HERC2: variants seen among roughly 807,000 people sequenced by gnomAD.
HERC2 encodes HECT and RLD domain containing E3 ubiquitin protein ligase 2.
Under a neutral mutation model 537.7 loss-of-function variants are expected in HERC2, and 102 were observed. The observed-to-expected ratio is 0.19, with a 90% CI of 0.16 to 0.22. The LOEUF (loss-of-function observed/expected upper bound fraction) is 0.22. HERC2 is among the 10% of genes least tolerant of loss of function. HERC2 has a pLI of 1.00. For synonymous variants in HERC2, 2,224 were observed against 2,466.2 expected (o/e 0.90, Z 2.91); for missense variants, 4,236 against 6,198.2 (o/e 0.68, Z 10.63).
At chr15:28,149,375 A>AACCGAGAACGTC (rs1368072920) in intron 70 of HERC2, among the ~76,000 whole-genome samples, 27 of 151,472 alleles carry the variant, frequency 1.8e-4, no homozygotes, top group African/African-American at 6.6e-4. Context: ...CGCGGCTCCT[A>AACCGAGAACGTC]ACCGAGAACG....
intron 71 of HERC2, 103 bp from the exon 72 acceptor site, chr15:28,144,907 G>T: frequency 6.8e-7 from 1 of 1,477,604 alleles, no homozygotes; most frequent in Non-Finnish European, 9.2e-7. Context: ...CGTGTGAAGA[G>T]CAAGTTCCTC....
chr15:28,316,042 T>C (rs2077073198), intron 2 of HERC2: 1 of 303,070 alleles, frequency 3.3e-6, no homozygotes, highest in African/African-American at 2.4e-5. Flanking sequence ...ATATAATAAA[T>C]CACCTCTTCC....
intron 36 of HERC2, 90 bp from the exon 37 acceptor site, chr15:28,220,734 G>C (rs541738451): frequency 1.9e-6 from 2 of 1,050,762 alleles, no homozygotes; most frequent in East Asian, 4.7e-5. Flanking sequence ...TTAGGAGGGT[G>C]CATGCCCTGC....
At chr15:28,230,314 C>T (rs1901695023) in intron 31 of HERC2, 53 bp downstream of exon 31, 1 of 1,568,210 alleles carries the variant, frequency 6.4e-7, no homozygotes, top group Non-Finnish European at 8.6e-7. Context: ...GATTCCTGTG[C>T]TACATGCTAT....
At chr15:28,297,338 G>C (rs1486026160) in intron 3 of HERC2, among the ~76,000 whole-genome samples, 1 of 151,578 alleles carries the variant, frequency 6.6e-6, no homozygotes, top group Non-Finnish European at 1.5e-5. Context: ...AGCCAAAAAG[G>C]GAAACTTTTA....
intron 88 of HERC2, among the ~76,000 whole-genome samples, chr15:28,116,096 T>G (rs539391126): frequency 6.6e-6 from 1 of 152,198 alleles, no homozygotes; most frequent in Non-Finnish European, 1.5e-5. Flanking sequence ...CCTGCAGCTG[T>G]GCACAGAGCT....
intron 4 of HERC2, among the ~76,000 whole-genome samples, chr15:28,289,406 C>T (rs369119305): frequency 7.8e-5 from 6 of 77,038 alleles, no homozygotes; most frequent in Admixed American, 9.5e-5. Context: ...CACCTTATAA[C>T]ATTCTCAAAT....
At position 28,111,730 on chromosome 15, in the gene HERC2, C is replaced by T; in HGVS notation, c.*33G>A. ...GCAGCGAGCGCTCTGCTGCCTGGCT[C>T]AGGCTCTCATCTCACGAGGACGTTT... On this transcript the variant is annotated 3_prime_UTR_variant, in exon 93 of 93. Transcript: ENST00000261609. The T allele has an allele frequency of 6.2e-7, 1 of 1,607,278 alleles. No individual in the cohort carries two copies. The highest frequency in any genetic ancestry group is 8.5e-7 in the Non-Finnish European group (1 of 1,174,856).
chr15:28,246,781 A>G lies in HERC2; in HGVS notation c.3352T>C (p.Phe1118Leu), dbSNP rs1307246112. 1.9e-6 allele frequency: 3 copies of G among 1,606,316 alleles called. No homozygotes were observed. The highest frequency in any genetic ancestry group is 2.5e-6 in the Non-Finnish European group (3 of 1,176,682). The change falls in exon 22 of 93, where the codon TTC becomes CTC. Residue 1118 changes from phenylalanine (F) to leucine (L), a missense_variant. By Grantham distance (22) the Phe-to-Leu change is conservative. Coordinates refer to ENST00000261609, the MANE Select transcript of HERC2 (RefSeq NM_004667.6). ...ASIASTSWRH[F>L]AEVAYIVEGD... ...TCCACAATGTAAGCCACCTCCGCGA[A>G]GTGCCGCCAGCTGGTAGAAGCAATG...
At chr15:28,283,498 A>G (rs2076078540) in intron 4 of HERC2, among the ~76,000 whole-genome samples, 1 of 152,206 alleles carries the variant, frequency 6.6e-6, no homozygotes, top group Non-Finnish European at 1.5e-5. Context: ...ACATTCTCAG[A>G]GGAAGTGAAA....
At position 28,176,448 on chromosome 15, in the gene HERC2, C is replaced by T; in HGVS notation, c.9666G>A (p.Lys3222=). ...CGTACCATGTCCACACCACTCCAGA[C>T]TTGGTGAGCGCCAGGGAGAACTGAG... ...CGAQFSLALT[K]SGVVWTWGKG... is the part of the protein sequence containing the mutation. The change falls in exon 63 of 93, where the codon AAG becomes AAA. Residue 3222 remains lysine, a synonymous_variant. Coordinates refer to ENST00000261609, the MANE Select transcript of HERC2 (RefSeq NM_004667.6). The surrounding 1 kb of genome is among the most constrained non-coding windows in gnomAD (Gnocchi z 5.0). 3 of 1,614,080 alleles carry T rather than the reference C, an allele frequency of 1.9e-6. No homozygotes were observed. The highest frequency in any genetic ancestry group is 1.3e-5 in the African/African-American group (1 of 75,040).
intron 78 of HERC2, among the ~76,000 whole-genome samples, chr15:28,136,390 T>G (rs61266109): frequency 6.6e-6 from 1 of 151,994 alleles, no homozygotes; most frequent in Admixed American, 6.6e-5. Flanking sequence ...GGTGGATAAA[T>G]GAGCCCCACC....
chr15:28,308,597 G>C (rs1438812735), intron 2 of HERC2, among the ~76,000 whole-genome samples: 1 of 152,212 alleles, frequency 6.6e-6, no homozygotes, highest in Non-Finnish European at 1.5e-5. Flanking sequence ...TTGAATAACA[G>C]TGGCCACACT....
chr15:28,111,960 T>C lies in HERC2; in HGVS notation c.14308A>G (p.Arg4770Gly). 4 of 1,614,100 alleles carry C rather than the reference T, an allele frequency of 2.5e-6. No homozygotes were observed. Among genetic ancestry groups the C allele is most frequent in the Non-Finnish European group, 3.4e-6 (4 of 1,180,018 alleles). Residue 4770 changes from arginine to glycine, a missense_variant, in exon 93 of 93, where the codon AGG becomes GGG. Arg to Gly is a moderately radical substitution (Grantham distance 125). Coordinates refer to ENST00000261609, the MANE Select transcript of HERC2 (RefSeq NM_004667.6). ...YTCFFLLKLP[R>G]YSCKQVLEEK... Reference sequence around the variant, plus strand: ...TCCAGCACCTGCTTGCAGGAATACCTGGGCAGCTTCAGCAAGAAGAAACAG... The same window carrying C: ...TCCAGCACCTGCTTGCAGGAATACCCGGGCAGCTTCAGCAAGAAGAAACAG...
chr15:28,273,510 C>T (rs1192586441), intron 7 of HERC2, among the ~76,000 whole-genome samples: 1 of 152,226 alleles, frequency 6.6e-6, no homozygotes, highest in African/African-American at 2.4e-5. Flanking sequence ...TATCCTAAGA[C>T]TGCAGAGAAA....
At chr15:28,144,632 G>A in intron 72 of HERC2, 41 bp downstream of exon 72, 1 of 1,613,602 alleles carries the variant, frequency 6.2e-7, no homozygotes, top group Admixed American at 1.7e-5. Flanking sequence ...ACAATCCACA[G>A]CCAGTCATCT....
chr15:28,228,731 G>C (rs1336300994), intron 34 of HERC2, among the ~76,000 whole-genome samples: 1 of 152,214 alleles, frequency 6.6e-6, no homozygotes, highest in Non-Finnish European at 1.5e-5. Flanking sequence ...CATGCTGCAC[G>C]ATGGGCCTAC....
chr15:28,224,834 A>C (rs1266820889), intron 35 of HERC2, among the ~76,000 whole-genome samples: 1 of 152,216 alleles, frequency 6.6e-6, no homozygotes, highest in African/African-American at 2.4e-5. Flanking sequence ...ATGAGAAATA[A>C]AAAAAAGAAA....
intron 68 of HERC2, among the ~76,000 whole-genome samples, chr15:28,165,931 C>T (rs991740562): frequency 2.0e-5 from 3 of 152,248 alleles, no homozygotes; most frequent in African/African-American, 7.2e-5. Context: ...AAATGCCCTT[C>T]TCCACCAGAA....
Sources: gnomAD v4.1 joint callset for allele counts (sites outside exome capture counted in the v4.1 genomes callset) on GRCh38, gnomAD v4.1.1 for gene constraint, Gnocchi (gnomAD v3.1) non-coding constraint, MANE v1.5 for transcripts, NCBI Gene and HGNC (gene_info 2026-07-23, HGNC 2026-07-21) for gene names.